NCAM2: variants seen among roughly 807,000 people sequenced by gnomAD.
The protein encoded by NCAM2 is N-CAM-2.
NCAM2 carries 30 observed loss-of-function variants against 98.1 expected under a neutral mutation model. That is an observed-to-expected ratio of 0.31 (90% confidence interval 0.23 to 0.41). The LOEUF (loss-of-function observed/expected upper bound fraction) is 0.41, where lower values mean the gene tolerates loss of function less well. Ranked by LOEUF, NCAM2 falls within the 10% of genes least tolerant of loss-of-function variation. The pLI is 1.00. For missense variants in NCAM2, 867 were observed against 1,005.8 expected, an observed-to-expected ratio of 0.86 and a Z score of 1.87; for synonymous variants, 368 against 342.4, an observed-to-expected ratio of 1.07 and a Z score of -0.83.
At chr21:21,503,001 G>C (rs1423725439) in intron 15 of NCAM2, among the ~76,000 whole-genome samples, 7 of 151,854 alleles carry the variant, frequency 4.6e-5, no homozygotes, top group Non-Finnish European at 8.8e-5. Flanking sequence ...ATAGTGCAGT[G>C]GTTTTTGAAA....
intron 1 of NCAM2, among the ~76,000 whole-genome samples, chr21:21,209,364 C>G (rs909404752): frequency 6.6e-6 from 1 of 152,198 alleles, no homozygotes; most frequent in African/African-American, 2.4e-5. Flanking sequence ...TATAGATGTA[C>G]AACACAATGC....
chr21:21,176,881 A>G (rs1238416644), intron 1 of NCAM2, among the ~76,000 whole-genome samples: 1 of 151,986 alleles, frequency 6.6e-6, no homozygotes, highest in Non-Finnish European at 1.5e-5. Context: ...ATAGTTAAAA[A>G]AAAAAGGCAA....
chr21:21,384,724 A>G (rs562245317), intron 9 of NCAM2, among the ~76,000 whole-genome samples: 3 of 152,192 alleles, frequency 2.0e-5, no homozygotes, highest in African/African-American at 7.2e-5. Flanking sequence ...ACACGATGAT[A>G]GAAAATTCAC....
chr21:21,033,388 A>G (rs2064729802), intron 1 of NCAM2, among the ~76,000 whole-genome samples: 1 of 152,226 alleles, frequency 6.6e-6, no homozygotes, highest in South Asian at 2.1e-4. Flanking sequence ...TAGAAGATTA[A>G]CAGGAAAAAA....
At chr21:21,536,026 C>T (rs1390808900) in intron 17 of NCAM2, among the ~76,000 whole-genome samples, 1 of 152,098 alleles carries the variant, frequency 6.6e-6, no homozygotes, top group African/African-American at 2.4e-5. Flanking sequence ...TCTTTCTCTA[C>T]AGTTTGATGC....
chr21:21,224,965 T>G (rs2070320812), intron 1 of NCAM2, among the ~76,000 whole-genome samples: 1 of 152,160 alleles, frequency 6.6e-6, no homozygotes, highest in South Asian at 2.1e-4. Flanking sequence ...TTTACAGTTT[T>G]TGCAGAGGAC....
intron 9 of NCAM2, among the ~76,000 whole-genome samples, chr21:21,399,896 A>G (rs1417857540): frequency 6.6e-6 from 1 of 152,222 alleles, no homozygotes; most frequent in African/African-American, 2.4e-5. Context: ...AGGAATTACA[A>G]AAGAAAGTAG....
intron 1 of NCAM2, among the ~76,000 whole-genome samples, chr21:21,233,692 A>G (rs1298892470): frequency 2.0e-5 from 3 of 151,782 alleles, no homozygotes; most frequent in African/African-American, 7.2e-5. Flanking sequence ...TATAGATACA[A>G]ATAACATGTA....
intron 1 of NCAM2, among the ~76,000 whole-genome samples, chr21:21,212,863 C>T (rs569717154): frequency 4.9e-4 from 75 of 152,060 alleles, no homozygotes; most frequent in African/African-American, 1.7e-3. Context: ...CTGCCTCAGC[C>T]TCCCGAGTAG....
chr21:21,223,201 C>A (rs2070241701), intron 1 of NCAM2: 1 of 152,120 alleles, frequency 6.6e-6, no homozygotes, highest in Non-Finnish European at 1.5e-5. Context: ...TACATAATTT[C>A]TTACATGATT....
chr21:21,121,964 T>C (rs1434089097), intron 1 of NCAM2, among the ~76,000 whole-genome samples: 1 of 152,230 alleles, frequency 6.6e-6, no homozygotes, highest in African/African-American at 2.4e-5. Flanking sequence ...TCTACCTGTT[T>C]CCAAGAACAA....
chr21:21,124,023 T>G (rs561116699), intron 1 of NCAM2, among the ~76,000 whole-genome samples: 2 of 151,912 alleles, frequency 1.3e-5, no homozygotes, highest in East Asian at 3.9e-4. Flanking sequence ...AATTTTTGTA[T>G]TTTTAGTAGA....
intron 1 of NCAM2, among the ~76,000 whole-genome samples, chr21:21,142,689 T>G (rs1406092151): frequency 6.6e-6 from 1 of 152,140 alleles, no homozygotes; most frequent in Non-Finnish European, 1.5e-5. Context: ...TTGACCATTA[T>G]TTTTATTGTA....
intron 1 of NCAM2, among the ~76,000 whole-genome samples, chr21:21,049,275 T>A (rs779829121): frequency 2.2e-4 from 34 of 151,936 alleles, no homozygotes; most frequent in Non-Finnish European, 4.6e-4. Flanking sequence ...CGCCTCGGCC[T>A]CGCATATTTC....
At chr21:21,125,609 A>G (rs2066798142) in intron 1 of NCAM2, among the ~76,000 whole-genome samples, 1 of 135,832 alleles carries the variant, frequency 7.4e-6, no homozygotes. Context: ...ATATATAAAT[A>G]TATAATATGT....
intron 1 of NCAM2, among the ~76,000 whole-genome samples, chr21:21,257,925 G>A (rs62209213): frequency 0.023 from 3,503 of 152,302 alleles, 61 homozygotes; most frequent in Admixed American, 0.044. Flanking sequence ...CACACGTATG[G>A]TGAAGAGGTG....
At position 21,139,207 on chromosome 21, in the gene NCAM2, T is replaced by C. The variant is rs532090750; in HGVS notation, c.55+140589T>C. Among the ~76,000 whole-genome samples, 5 of 152,280 alleles carry C rather than the reference T, an allele frequency of 3.3e-5. No individual in the cohort carries two copies. In the South Asian group the frequency reaches 1.0e-3, roughly 32 times the overall value. On this transcript the variant is annotated intron_variant, in intron 1 of 17. Coordinates refer to ENST00000400546, the MANE Select transcript of NCAM2 (RefSeq NM_004540.5). ...GGCAGTGGAACTACAGAGACAGAGC[T>C]GGAGTGAGGCAGCCACAAATCAAGG...
In NCAM2 at chr21:21,275,356, C is replaced by T. The variant is rs539421425; in HGVS notation, c.56-5222C>T. 1.1e-4 allele frequency among the ~76,000 whole-genome samples: 17 copies of T among 151,862 alleles called. No individual in the cohort carries two copies. The East Asian group carries it at 2.7e-3, about 24-fold the overall frequency. On this transcript the variant is annotated intron_variant, in intron 1 of 17. Coordinates refer to ENST00000400546, the MANE Select transcript of NCAM2 (RefSeq NM_004540.5). Reference sequence around the variant, plus strand: ...TCTGGAGGCTGAGGCAGGAGAATGGCGTGAACCTGGGAGGCGGAGCTTGCA... The same window carrying T: ...TCTGGAGGCTGAGGCAGGAGAATGGTGTGAACCTGGGAGGCGGAGCTTGCA...
chr21:21,334,522 C>T (rs2074805061), intron 6 of NCAM2, among the ~76,000 whole-genome samples: 1 of 151,836 alleles, frequency 6.6e-6, no homozygotes. Flanking sequence ...ATTGTATGGA[C>T]AAGCAAATGT....
Sources: gnomAD v4.1 joint callset for allele counts (sites outside exome capture counted in the v4.1 genomes callset) on GRCh38, gnomAD v4.1.1 for gene constraint, MANE v1.5 for transcripts, NCBI Gene and HGNC (gene_info 2026-07-23, HGNC 2026-07-21) for gene names.